Variants in IL5RA observed in about 807,000 individuals in gnomAD.
IL5RA encodes interleukin-5 receptor subunit alpha.
A neutral mutation model predicts 50.0 loss-of-function variants in IL5RA; 49 were observed. The observed-to-expected ratio is 0.98, with a 90% CI of 0.78 to 1.24. The LOEUF (loss-of-function observed/expected upper bound fraction) is 1.24. IL5RA is among the 50% of genes most tolerant of loss of function. The pLI is 0.00. For synonymous variants in IL5RA, 202 were observed against 174.0 expected, an observed-to-expected ratio of 1.16 and a Z score of -1.26; for missense variants, 600 against 500.4, an observed-to-expected ratio of 1.20 and a Z score of -1.90.
chr3:3,098,200 A>G lies in IL5RA; in HGVS notation c.458T>C (p.Leu153Pro), dbSNP rs772683840. Residue 153 changes from leucine to proline, a missense_variant, in exon 6 of 12, where the codon CTT becomes CCT. Physicochemically the swap from Leu to Pro is moderately conservative, Grantham distance 98. Coordinates refer to ENST00000446632, the MANE Select transcript of IL5RA (RefSeq NM_175726.4). ...TGTGCCAACAAGCCAGGTGCAGTGA[A>G]GGGAAACTTGGTATGACCTTAAACG... ...YSRLRSYQVS[L>P]HCTWLVGTDA... 8.1e-6 allele frequency: 13 copies of G among 1,614,166 alleles called. No homozygotes were observed. The South Asian group carries it at 1.3e-4, about 16-fold the overall frequency.
rs964335687 is a variant in IL5RA at position 3,066,753 on chromosome 3, A to C, written c.*3472T>G. 6.6e-6 allele frequency: 1 copy of C among 152,204 alleles called. No individual in the cohort carries two copies. The highest frequency in any genetic ancestry group is 6.5e-5 in the Admixed American group (1 of 15,274). The allele number at this position is 152,204 out of a possible 1,614,324, so 9.4% of individuals were successfully genotyped here. On this transcript the variant is annotated 3_prime_UTR_variant, in exon 12 of 12. Transcript: ENST00000446632. ...CCACGTGGATTCTTCCCCAGCCTGC[A>C]TGAATAGCTTGAGGTCTGAGGCATT... is the stretch of plus-strand genomic sequence containing the variant.
rs10642608 is a variant in IL5RA, at chr3:3,075,203, CTTTTTTTTT to C, written c.1092-346_1092-338del. 7.1e-5 allele frequency among the ~76,000 whole-genome samples: 5 copies of C among 69,974 alleles called. No individual in the cohort carries two copies. The South Asian group carries it at 1.8e-3, about 25-fold the overall frequency. The allele number at this position is 69,974 out of a possible 152,430, so 45.9% of individuals were successfully genotyped here. A position where few individuals can be genotyped will look rare whatever the true frequency, so the allele number is the denominator to read the frequency against. ...TATGTTTACTCACAGAGTTTACTTA[CTTTTTTTTT>C]TTTTTTTTTTTTTTTGGTCTTGCTC... On this transcript the variant is annotated intron_variant, in intron 10 of 11. Coordinates refer to ENST00000446632, the MANE Select transcript of IL5RA (RefSeq NM_175726.4).
At chr3:3,099,869 C>A (rs919821529) in intron 5 of IL5RA, among the ~76,000 whole-genome samples, 1 of 151,932 alleles carries the variant, frequency 6.6e-6, no homozygotes, top group Non-Finnish European at 1.5e-5. Context: ...GGGGTTTCAC[C>A]ATGTTGGCCA....
chr3:3,098,507 G>T (rs1703472517), intron 5 of IL5RA, among the ~76,000 whole-genome samples: 1 of 151,988 alleles, frequency 6.6e-6, no homozygotes. Flanking sequence ...TCCTGGCTTG[G>T]AGCGATTCTC....
At chr3:3,095,527 C>A in intron 7 of IL5RA, 83 bp from the exon 8 acceptor site, 1 of 1,102,866 alleles carries the variant, frequency 9.1e-7, no homozygotes, top group South Asian at 1.4e-5. Flanking sequence ...CCACACTTCT[C>A]AAGGCATTTC....
intron 9 of IL5RA, among the ~76,000 whole-genome samples, chr3:3,082,834 A>C (rs1702715175): frequency 6.6e-6 from 1 of 152,216 alleles, no homozygotes; most frequent in Non-Finnish European, 1.5e-5. Flanking sequence ...TAGGAGATGA[A>C]TTTGATTTGG....
chr3:3,083,976 G>A (rs1298724057), intron 9 of IL5RA, among the ~76,000 whole-genome samples: 1 of 151,588 alleles, frequency 6.6e-6, no homozygotes, highest in Admixed American at 6.6e-5. Flanking sequence ...ACCCCCATGG[G>A]AGGTGGAGGG....
In IL5RA at chr3:3,098,022, C is replaced by T. The variant is rs1559875324; in HGVS notation, c.557G>A (p.Ser186Asn). 2.5e-6 allele frequency: 4 copies of T among 1,614,154 alleles called. No homozygotes were observed. Among genetic ancestry groups the T allele is most frequent in the South Asian group, 1.1e-5 (1 of 91,078 alleles). The stretch of plus-strand genomic sequence containing the variant: ...GATATTTCTCCCCAGTGTGTCTTTG[C>T]TGTATTCTTGGCATTCTTCAGTCCA... ...GSWTEECQEY[S>N]KDTLGRNIAC... is the part of the protein sequence containing the mutation. The change falls in exon 7 of 12, where the codon AGC becomes AAC. Residue 186 changes from serine (S) to asparagine (N), a missense_variant. Ser to Asn is a conservative substitution (Grantham distance 46). Transcript: ENST00000446632.
At chr3:3,102,231 G>A (rs930706838) in intron 4 of IL5RA, among the ~76,000 whole-genome samples, 6 of 152,204 alleles carry the variant, frequency 3.9e-5, no homozygotes, top group African/African-American at 1.4e-4. Flanking sequence ...AGGTAAAACT[G>A]AGGCTCTGAG....
intron 1 of IL5RA, among the ~76,000 whole-genome samples, chr3:3,109,370 T>A (rs1201704954): frequency 6.6e-6 from 1 of 152,212 alleles, no homozygotes; most frequent in East Asian, 1.9e-4. Context: ...TACTTTTTGT[T>A]GTTGTTTCTT....
chr3:3,098,595 C>G (rs901002514), intron 5 of IL5RA, among the ~76,000 whole-genome samples: 11 of 152,004 alleles, frequency 7.2e-5, no homozygotes, highest in Admixed American at 6.6e-4. Context: ...TTCAGTAGAG[C>G]TGGCGTTTCA....
In IL5RA at chr3:3,069,974, T is replaced by C; in HGVS notation, c.*251A>G. ...TGGCAGGTGAGGAGGTGCTACCCTG[T>C]ACGGCATGGGGAGAAAAAACATGGC... On this transcript the variant is annotated 3_prime_UTR_variant, in exon 12 of 12. Transcript: ENST00000446632. The C allele has an allele frequency of 2.5e-6, 1 of 399,696 alleles. No individual in the cohort carries two copies. Among genetic ancestry groups the C allele is most frequent in the Non-Finnish European group, 4.5e-6 (1 of 222,828 alleles). 24.8% of individuals were successfully genotyped at this position (399,696 alleles called of 1,614,324 possible).
In IL5RA at chr3:3,101,589, C is replaced by T. The variant is rs144898437; in HGVS notation, c.367+103G>A. On this transcript the variant is annotated intron_variant, in intron 5 of 11. Coordinates refer to ENST00000446632, the MANE Select transcript of IL5RA (RefSeq NM_175726.4). The stretch of plus-strand genomic sequence containing the variant: ...GATATGGGAGAGTACTTGAGAAGAA[C>T]GGGTGACTGACTAAAGAAAAGTGGG... 379 of 1,160,264 alleles carry T rather than the reference C, an allele frequency of 3.3e-4. 1 individual carries two copies. In the African/African-American group the frequency reaches 5.1e-3, roughly 16 times the overall value. 71.9% of individuals were successfully genotyped at this position (1,160,264 alleles called of 1,614,324 possible).
intron 11 of IL5RA, chr3:3,073,897 G>A (rs1051901683): frequency 2.7e-5 from 11 of 405,006 alleles, no homozygotes; most frequent in Middle Eastern, 3.8e-4. Flanking sequence ...CGTGGTTTAC[G>A]ATAAAGCTAC....
intron 4 of IL5RA, 135 bp from the exon 5 acceptor site, chr3:3,101,965 A>C: frequency 1.3e-6 from 1 of 790,660 alleles, no homozygotes; most frequent in Non-Finnish European, 1.9e-6. Context: ...CTAGAAAAAA[A>C]GTCAAAACAA....
chr3:3,070,578 T>TTTTTA (rs1410822651), intron 11 of IL5RA, among the ~76,000 whole-genome samples: 2 of 113,808 alleles, frequency 1.8e-5, no homozygotes, highest in African/African-American at 7.9e-5. Flanking sequence ...TACACATCTT[T>TTTTTA]TTTTTTTTTT....
intron 9 of IL5RA, among the ~76,000 whole-genome samples, chr3:3,087,939 A>G (rs962445367): frequency 6.6e-6 from 1 of 152,204 alleles, no homozygotes; most frequent in African/African-American, 2.4e-5. Flanking sequence ...TTCACTAATG[A>G]TCCTAAACTG....
intron 8 of IL5RA, among the ~76,000 whole-genome samples, chr3:3,093,044 T>C (rs1041747224): frequency 5.9e-5 from 9 of 152,196 alleles, no homozygotes; most frequent in African/African-American, 2.2e-4. Context: ...AATCTTCTTT[T>C]ACTCTGCAAA....
chr3:3,090,484 A>G (rs1048027681), intron 9 of IL5RA, among the ~76,000 whole-genome samples: 2 of 151,586 alleles, frequency 1.3e-5, no homozygotes, highest in South Asian at 2.1e-4. Flanking sequence ...CTTCTCTCAT[A>G]CAATGCCTAT....
Sources: gnomAD v4.1 joint callset for allele counts (sites outside exome capture counted in the v4.1 genomes callset) on GRCh38, gnomAD v4.1.1 for gene constraint, MANE v1.5 for transcripts, NCBI Gene and HGNC (gene_info 2026-07-23, HGNC 2026-07-21) for gene names.